OPA1: variants seen among roughly 807,000 people sequenced by gnomAD.
OPA1 encodes dynamin-like GTPase OPA1, mitochondrial.
OPA1 carries 59 observed loss-of-function variants against 152.9 expected under a neutral mutation model. That is an observed-to-expected ratio of 0.39 (90% CI 0.31 to 0.48). The LOEUF is 0.48. Among genes scored for constraint, OPA1 ranks in the 20% least tolerant of loss-of-function variants. The pLI is 0.96. For synonymous variants in OPA1, 400 were observed against 389.9 expected (o/e 1.03, Z -0.31); for missense variants, 1,008 against 1,216.8 (o/e 0.83, Z 2.55).
intron 25 of OPA1, among the ~76,000 whole-genome samples, chr3:193,661,075 T>G (rs560256783): frequency 2.5e-4 from 38 of 152,370 alleles, no homozygotes; most frequent in Admixed American, 2.5e-3. Flanking sequence ...AAACACTCTC[T>G]GAAAGAAGTG....
At position 193,655,987 on chromosome 3, in the gene OPA1, A is replaced by G. The variant is rs374132085; in HGVS notation, c.2178+960A>G. Reference sequence around the variant, plus strand: ...TGTTAACTTCCTTATCTCTGTTCTCAATTTCTTCAAGCCCCTTTCTAAGAA... The same window carrying G: ...TGTTAACTTCCTTATCTCTGTTCTCGATTTCTTCAAGCCCCTTTCTAAGAA... On this transcript the variant is annotated intron_variant, in intron 22 of 30. Coordinates refer to ENST00000361510, the MANE Select transcript of OPA1 (RefSeq NM_130837.3). Among the ~76,000 whole-genome samples, 14 of 152,140 alleles carry G rather than the reference A, an allele frequency of 9.2e-5. No individual in the cohort carries two copies. The South Asian group carries it at 2.7e-3, about 29-fold the overall frequency.
chr3:193,634,376 C>T (rs1430400244), intron 8 of OPA1, among the ~76,000 whole-genome samples: 1 of 150,236 alleles, frequency 6.7e-6, no homozygotes, highest in Non-Finnish European at 1.5e-5. Flanking sequence ...GTTTTTTTGT[C>T]AAGTAGTTGC....
chr3:193,657,350 G>A, intron 23 of OPA1, 118 bp downstream of exon 23: 2 of 999,546 alleles, frequency 2.0e-6, no homozygotes, highest in African/African-American at 1.6e-5. Flanking sequence ...AAATAATGAA[G>A]TAAAGAAACA....
chr3:193,593,608 C>T (rs1211541443), intron 1 of OPA1, among the ~76,000 whole-genome samples, 199 bp downstream of exon 1: 1 of 152,108 alleles, frequency 6.6e-6, no homozygotes, highest in Non-Finnish European at 1.5e-5. Flanking sequence ...CAATACTGGC[C>T]CTTTTCTCTG....
chr3:193,664,826 TG>T, intron 26 of OPA1, 53 bp from the exon 27 acceptor site: 1 of 951,620 alleles, frequency 1.1e-6, no homozygotes, highest in Middle Eastern at 2.2e-4. Flanking sequence ...TCAGTGTGGT[TG>T]ATCAACATGA....
chr3:193,634,976 T>G (rs766094955), intron 8 of OPA1, among the ~76,000 whole-genome samples: 3 of 152,234 alleles, frequency 2.0e-5, no homozygotes, highest in Non-Finnish European at 2.9e-5. Flanking sequence ...TACTGCTAGC[T>G]ATTATTTTAT....
At chr3:193,603,510 A>G (rs1412057766) in intron 1 of OPA1, 1 of 152,268 alleles carries the variant, frequency 6.6e-6, no homozygotes, top group African/African-American at 2.4e-5. Flanking sequence ...GATAGCAGAA[A>G]GGAGCTCATC....
chr3:193,647,952 G>A, intron 19 of OPA1, 118 bp from the exon 20 acceptor site: 1 of 741,130 alleles, frequency 1.3e-6, no homozygotes, highest in Non-Finnish European at 2.5e-6. Flanking sequence ...GTACTAAGGG[G>A]TCATAGGCGC....
intron 29 of OPA1, among the ~76,000 whole-genome samples, chr3:193,689,723 A>G (rs1028124356): frequency 6.6e-5 from 10 of 152,150 alleles, no homozygotes; most frequent in African/African-American, 2.4e-4. Context: ...GAATGGGTAG[A>G]CCTGGCCATG....
At chr3:193,610,880 C>A (rs1001603742) in intron 1 of OPA1, among the ~76,000 whole-genome samples, 2 of 152,228 alleles carry the variant, frequency 1.3e-5, no homozygotes, top group Non-Finnish European at 2.9e-5. Context: ...CTAAGACCAT[C>A]GGAAAAGCGC....
At chr3:193,638,563 T>G (rs1314009287) in intron 11 of OPA1, among the ~76,000 whole-genome samples, 2 of 152,186 alleles carry the variant, frequency 1.3e-5, no homozygotes, top group African/African-American at 2.4e-5. Flanking sequence ...ATTTTCAATG[T>G]GAAAATAAAA....
At chr3:193,644,782 A>G (rs1172965919) in intron 16 of OPA1, among the ~76,000 whole-genome samples, 1 of 151,876 alleles carries the variant, frequency 6.6e-6, no homozygotes, top group African/African-American at 2.4e-5. Flanking sequence ...ATTTCTTTCA[A>G]CTCTAGGATA....
chr3:193,672,946 G>A (rs1287241362), intron 29 of OPA1, among the ~76,000 whole-genome samples: 1 of 150,940 alleles, frequency 6.6e-6, no homozygotes, highest in African/African-American at 2.4e-5. Flanking sequence ...TTTTGATTTT[G>A]TGTAAAAACT....
At chr3:193,616,027 A>G (rs1486735138) in intron 3 of OPA1, among the ~76,000 whole-genome samples, 4 of 152,142 alleles carry the variant, frequency 2.6e-5, no homozygotes, top group Admixed American at 6.5e-5. Context: ...TTTTTAACTT[A>G]TCGATTGAGA....
Position 193,662,833 on chromosome 3 carries a change from T to C in OPA1, c.2532T>C (p.Asn844=). The change falls in exon 26 of 31, where the codon AAT becomes AAC. Residue 844 remains asparagine (N), a synonymous_variant. Coordinates refer to ENST00000361510, the MANE Select transcript of OPA1 (RefSeq NM_130837.3). ...KNRTQEQCVH[N]ETKNELEKML... ...TAAACATTTTAAAGTGTGTTCACAATGAAACCAAGAATGAATTGGAGAAGA... is the reference window on the plus strand; with the variant it reads ...TAAACATTTTAAAGTGTGTTCACAACGAAACCAAGAATGAATTGGAGAAGA... The C allele has an allele frequency of 6.2e-7, 1 of 1,613,266 alleles. No homozygotes were observed. Among genetic ancestry groups the C allele is most frequent in the Non-Finnish European group, 8.5e-7 (1 of 1,179,370 alleles).
chr3:193,676,755 C>A (rs376824474), intron 29 of OPA1, among the ~76,000 whole-genome samples: 1 of 151,988 alleles, frequency 6.6e-6, no homozygotes, highest in Non-Finnish European at 1.5e-5. Flanking sequence ...CCAAGGTGGG[C>A]GGATCACAAG....
In OPA1 at chr3:193,593,305, G is replaced by T. The variant is rs1318787587; in HGVS notation, c.-73G>T. On this transcript the variant is annotated 5_prime_UTR_variant, in exon 1 of 31. Coordinates refer to ENST00000361510, the MANE Select transcript of OPA1 (RefSeq NM_130837.3). ...ACTTCCTGGGTCATTCCTGGACCGG[G>T]AGCCGGGCTGGGGCTCACACGGGGG... The T allele has an allele frequency of 2.0e-6, 3 of 1,479,768 alleles. No homozygotes were observed. Among genetic ancestry groups the T allele is most frequent in the South Asian group, 1.3e-5 (1 of 76,714 alleles). The allele number at this position is 1,479,768 out of a possible 1,614,324, so 91.7% of individuals were successfully genotyped here.
chr3:193,632,231 C>T (rs560065199), intron 8 of OPA1, among the ~76,000 whole-genome samples: 2 of 152,200 alleles, frequency 1.3e-5, no homozygotes, highest in African/African-American at 2.4e-5. Context: ...CCTGTAATCC[C>T]AACACTTTGG....
intron 27 of OPA1, among the ~76,000 whole-genome samples, chr3:193,665,994 C>T (rs1458052877): frequency 1.3e-5 from 2 of 152,132 alleles, no homozygotes; most frequent in African/African-American, 4.8e-5. Context: ...AGGGTATATG[C>T]TGTGAATTTC....
Sources: gnomAD v4.1 joint callset for allele counts (sites outside exome capture counted in the v4.1 genomes callset) on GRCh38, gnomAD v4.1.1 for gene constraint, MANE v1.5 for transcripts, NCBI Gene and HGNC (gene_info 2026-07-23, HGNC 2026-07-21) for gene names.